ZFP62: variants seen among roughly 807,000 people sequenced by gnomAD.
ZFP62 encodes ZFP62 zinc finger protein.
ZFP62 carries 44 observed loss-of-function variants against 56.4 expected under a neutral mutation model. The observed-to-expected ratio is 0.78, with a 90% CI of 0.61 to 1.00. The LOEUF (loss-of-function observed/expected upper bound fraction) is 1.00. ZFP62 is among the 50% of genes least tolerant of loss of function. The probability of loss-of-function intolerance (pLI) is 0.00; values close to 1 mark genes in which losing one functional copy is unlikely to be tolerated. For missense variants in ZFP62, 1,030 were observed against 1,085.7 expected, an observed-to-expected ratio of 0.95 and a Z score of 0.72; for synonymous variants, 421 against 388.9, an observed-to-expected ratio of 1.08 and a Z score of -0.97.
downstream of ZFP62, among the ~76,000 whole-genome samples, chr5:180,846,964 C>T (rs899128721): frequency 1.3e-5 from 2 of 152,196 alleles, no homozygotes; most frequent in Non-Finnish European, 2.9e-5. Context: ...GGTAGAAATG[C>T]TCCATCTCCC....
chr5:180,847,617 T>C lies in ZFP62; in HGVS notation c.*1175A>G. On this transcript the variant is annotated 3_prime_UTR_variant, in exon 2 of 2. Transcript: ENST00000502412. The stretch of plus-strand genomic sequence containing the variant: ...CATCTAAACTCACAGCCCGTTTTGA[T>C]TTAAGGAATTTCTTTATTGGAATTC... The C allele has an allele frequency of 1.0e-6, 1 of 985,426 alleles. No homozygotes were observed. Among genetic ancestry groups the C allele is most frequent in the Non-Finnish European group, 1.2e-6 (1 of 829,936 alleles). 61.0% of individuals were successfully genotyped at this position (985,426 alleles called of 1,614,324 possible).
chr5:180,845,098 G>C (rs138452522), downstream of ZFP62, among the ~76,000 whole-genome samples: 3,751 of 152,138 alleles, frequency 0.025, 60 homozygotes, highest in African/African-American at 0.039. Context: ...TTGGGAGTCT[G>C]AGGCTGGGCA....
chr5:180,829,248 C>T, the ZFP62 span, among the ~76,000 whole-genome samples: 2 of 142,406 alleles, frequency 1.4e-5, no homozygotes, highest in African/African-American at 6.1e-5. Context: ...CTGCCTTTTG[C>T]CCTTTGTCCT....
chr5:180,853,263 T>C (rs1413336200), intron 1 of ZFP62, among the ~76,000 whole-genome samples: 1 of 152,240 alleles, frequency 6.6e-6, no homozygotes, highest in Non-Finnish European at 1.5e-5. Flanking sequence ...GCTTCTGAAT[T>C]GATATGGAGC....
At chr5:180,839,489 C>T in the ZFP62 span, among the ~76,000 whole-genome samples, 1 of 152,084 alleles carries the variant, frequency 6.6e-6, no homozygotes, top group African/African-American at 2.4e-5. Flanking sequence ...GGCCATTATC[C>T]TAAGAGAACT....
chr5:180,852,428 C>T (rs1229499118), intron 1 of ZFP62, among the ~76,000 whole-genome samples: 1 of 151,992 alleles, frequency 6.6e-6, no homozygotes, highest in Non-Finnish European at 1.5e-5. Flanking sequence ...ATGGCACGCA[C>T]CTCTAATCCC....
Position 180,849,853 on chromosome 5 carries a change from G to C in ZFP62, c.1642C>G (p.Leu548Val), listed in dbSNP as rs1773593149. ...GTGTGGATTCGTTTATGTACTTTAA[G>C]GCCAGAATTATTTCTGAAAGCTTTA... ...CGKAFRNNSG[L>V]KVHKRIHTGE... Residue 548 changes from leucine (L) to valine (V), a missense_variant, in exon 2 of 2, where the codon CTT becomes GTT. Leu to Val is a conservative substitution (Grantham distance 32). Coordinates refer to ENST00000502412, the MANE Select transcript of ZFP62 (RefSeq NM_001172638.2). 1 of 1,551,616 alleles carries C rather than the reference G, an allele frequency of 6.4e-7. No homozygotes were observed. Among genetic ancestry groups the C allele is most frequent in the Admixed American group, 2.0e-5 (1 of 50,976 alleles).
At chr5:180,845,961 TACTC>T (rs141217302), downstream of ZFP62, 49,877 of 639,102 alleles carry the variant, frequency 0.078, 2,393 homozygotes, top group Non-Finnish European at 0.088. Context: ...GGCTATTCCA[TACTC>T]ACTGTTTTTT....
chr5:180,827,159 G>A, the ZFP62 span, among the ~76,000 whole-genome samples: 1 of 152,340 alleles, frequency 6.6e-6, no homozygotes, highest in Middle Eastern at 3.4e-3. Flanking sequence ...TCGGGTGACA[G>A]GAGAAGCAGA....
At chr5:180,832,227 C>G in the ZFP62 span, among the ~76,000 whole-genome samples, 1 of 151,942 alleles carries the variant, frequency 6.6e-6, no homozygotes, top group African/African-American at 2.4e-5. Context: ...TCATGGCTCA[C>G]TGCAGCCTCA....
chr5:180,831,047 C>G, the ZFP62 span: 1 of 152,516 alleles, frequency 6.6e-6, no homozygotes, highest in Non-Finnish European at 1.5e-5. Context: ...CCGTGAGCTT[C>G]CCCGCCAGGA....
At chr5:180,833,819 C>T in the ZFP62 span, among the ~76,000 whole-genome samples, 10 of 151,846 alleles carry the variant, frequency 6.6e-5, no homozygotes, top group Non-Finnish European at 1.0e-4. Flanking sequence ...TACAGGTATG[C>T]GCCACCACAC....
In ZFP62 at chr5:180,851,265, C is replaced by G; in HGVS notation, c.230G>C (p.Ser77Thr). ...CTGTTCTGTCTTTATATTTGCTGTA[C>G]TCTTGGCTTTGCTGATTGCTTCCCT... ...SIREAISKAK[S>T]TANIKTEQEG... The change falls in exon 2 of 2, where the codon AGT becomes ACT. Residue 77 changes from serine to threonine, a missense_variant. Coordinates refer to ENST00000502412, the MANE Select transcript of ZFP62 (RefSeq NM_001172638.2). 6 of 1,551,654 alleles carry G rather than the reference C, an allele frequency of 3.9e-6. No homozygotes were observed. The highest frequency in any genetic ancestry group is 5.2e-6 in the Non-Finnish European group (6 of 1,146,998).
the ZFP62 span, among the ~76,000 whole-genome samples, chr5:180,836,597 C>T: frequency 2.6e-5 from 4 of 152,178 alleles, no homozygotes; most frequent in African/African-American, 7.2e-5. Context: ...GTATGTACTG[C>T]GGGTTAGGAC....
In ZFP62 at chr5:180,851,042, T is replaced by C; in HGVS notation, c.453A>G (p.Lys151=). The C allele has an allele frequency of 6.4e-7, 1 of 1,551,710 alleles. No homozygotes were observed. The change falls in exon 2 of 2, where the codon AAA becomes AAG. Residue 151 remains lysine, a synonymous_variant. Coordinates refer to ENST00000502412, the MANE Select transcript of ZFP62 (RefSeq NM_001172638.2). ...TATGTTGAACAAGGCGGGAATTATA[T>C]TTGAAGGATTTCCCACATTCATCAC... The part of the protein sequence containing the change: ...HKCDECGKSF[K]YNSRLVQHKI...
At chr5:180,833,252 G>A in the ZFP62 span, among the ~76,000 whole-genome samples, 6 of 151,970 alleles carry the variant, frequency 3.9e-5, no homozygotes, top group Non-Finnish European at 5.9e-5. Flanking sequence ...AGGCTGAGGT[G>A]GGCGGATCAC....
chr5:180,831,762 C>G, the ZFP62 span: 2 of 152,754 alleles, frequency 1.3e-5, no homozygotes, highest in Non-Finnish European at 2.9e-5. Context: ...CTCTCAGGCA[C>G]GTCCTCGACC....
chr5:180,846,410 T>C (rs759555393), downstream of ZFP62, among the ~76,000 whole-genome samples: 1 of 152,198 alleles, frequency 6.6e-6, no homozygotes, highest in Non-Finnish European at 1.5e-5. Flanking sequence ...GAGGAGCACA[T>C]GGAAACCTCA....
chr5:180,826,911 A>ATG, the ZFP62 span, among the ~76,000 whole-genome samples: 1 of 152,220 alleles, frequency 6.6e-6, no homozygotes, highest in Non-Finnish European at 1.5e-5. Flanking sequence ...TGGAGTTGAG[A>ATG]AAGCTTTAAA....
Sources: gnomAD v4.1 joint callset for allele counts (sites outside exome capture counted in the v4.1 genomes callset) on GRCh38, gnomAD v4.1.1 for gene constraint, MANE v1.5 for transcripts, NCBI Gene and HGNC (gene_info 2026-07-23, HGNC 2026-07-21) for gene names.